Variants in CLPB observed in about 807,000 individuals in gnomAD.
CLPB encodes ClpB family mitochondrial disaggregase, also known as mitochondrial disaggregase.
Under a neutral mutation model 78.4 loss-of-function variants are expected in CLPB, and 40 were observed. The ratio of observed to expected loss-of-function variants is 0.51; its 90% CI spans 0.40 to 0.66. The LOEUF is 0.66. Ranked by LOEUF, CLPB falls within the 30% of genes least tolerant of loss-of-function variation. The pLI is 0.00. For synonymous variants in CLPB, 333 were observed against 348.0 expected (o/e 0.96, Z 0.48); for missense variants, 780 against 886.9 (o/e 0.88, Z 1.53).
chr11:72,407,848 C>T (rs1173001879), intron 2 of CLPB, among the ~76,000 whole-genome samples: 2 of 152,100 alleles, frequency 1.3e-5, no homozygotes. Flanking sequence ...GGGGTTTCAC[C>T]GTATTAGCCA....
intron 3 of CLPB, among the ~76,000 whole-genome samples, chr11:72,395,956 T>TAA (rs1222062935): frequency 4.6e-5 from 7 of 152,220 alleles, no homozygotes. Flanking sequence ...GGAAGGCCTT[T>TAA]AAAACCTCTT....
chr11:72,399,086 T>C (rs1264080521), intron 3 of CLPB, among the ~76,000 whole-genome samples: 2 of 150,366 alleles, frequency 1.3e-5, no homozygotes, highest in African/African-American at 2.4e-5. Flanking sequence ...TAAATATATA[T>C]AATACATAAA....
chr11:72,386,134 T>C (rs1855068586), intron 3 of CLPB, among the ~76,000 whole-genome samples: 1 of 152,194 alleles, frequency 6.6e-6, no homozygotes, highest in East Asian at 1.9e-4. Flanking sequence ...TTTACCAAAA[T>C]AGAGTAGTTT....
chr11:72,354,268 T>A (rs1950665392), intron 5 of CLPB: 3 of 391,080 alleles, frequency 7.7e-6, no homozygotes, highest in Admixed American at 4.5e-5. Context: ...TCCAAAGATG[T>A]GTGTGTGTGT....
At chr11:72,415,922 C>G (rs1856008812) in intron 2 of CLPB, among the ~76,000 whole-genome samples, 1 of 152,118 alleles carries the variant, frequency 6.6e-6, no homozygotes. Flanking sequence ...TTTAAAATGA[C>G]TAGGATGAGG....
At chr11:72,355,812 G>A (rs186429090) in intron 5 of CLPB, among the ~76,000 whole-genome samples, 1 of 152,272 alleles carries the variant, frequency 6.6e-6, no homozygotes. Context: ...GACTTTTCTA[G>A]CTCTAACCCT....
At position 72,286,884 on chromosome 11, in the gene CLPB, A is replaced by C. The variant is rs2135475293; in HGVS notation, c.*6483T>G. The C allele has an allele frequency of 6.6e-6, 1 of 151,854 alleles. No individual in the cohort carries two copies. Among genetic ancestry groups the C allele is most frequent in the East Asian group, 1.9e-4 (1 of 5,164 alleles). The allele number at this position is 151,854 out of a possible 1,614,324, so 9.4% of individuals were successfully genotyped here. A position where few individuals can be genotyped will look rare whatever the true frequency, so the allele number is the denominator to read the frequency against. On this transcript the variant is annotated 3_prime_UTR_variant, in exon 16 of 16. Transcript: ENST00000538039. ...ATTAGAGGTTTACCTTTAACCTCTA[A>C]ATACTTACATTTTCTGAAAACAAGG...
At chr11:72,318,105 A>AT (rs1331987860) in intron 6 of CLPB, among the ~76,000 whole-genome samples, 1 of 152,264 alleles carries the variant, frequency 6.6e-6, no homozygotes, top group Non-Finnish European at 1.5e-5. Flanking sequence ...TTTGGTGAAT[A>AT]TAAGTCTGTC....
chr11:72,295,788 C>T, intron 11 of CLPB, 140 bp from the exon 12 acceptor site: 1 of 785,556 alleles, frequency 1.3e-6, no homozygotes, highest in South Asian at 1.8e-5. Flanking sequence ...GCTGCTTCCT[C>T]CTCTGGGTTC....
intron 3 of CLPB, among the ~76,000 whole-genome samples, chr11:72,400,690 T>C (rs1855535655): frequency 6.6e-6 from 1 of 152,170 alleles, no homozygotes; most frequent in African/African-American, 2.4e-5. Context: ...GTACCAGCGG[T>C]GTAGAATAAC....
At chr11:72,376,821 A>AT (rs1854717495) in intron 4 of CLPB, among the ~76,000 whole-genome samples, 1 of 152,018 alleles carries the variant, frequency 6.6e-6, no homozygotes, top group South Asian at 2.1e-4. Context: ...ACAGGCATGC[A>AT]CCACCACGCC....
At chr11:72,370,781 C>T (rs893366757) in intron 4 of CLPB, among the ~76,000 whole-genome samples, 5 of 152,198 alleles carry the variant, frequency 3.3e-5, no homozygotes, top group African/African-American at 1.2e-4. Context: ...ATATTATCTG[C>T]TACCCTTGCA....
At chr11:72,428,007 C>G (rs932881493) in intron 2 of CLPB, among the ~76,000 whole-genome samples, 8 of 152,144 alleles carry the variant, frequency 5.3e-5, no homozygotes, top group Admixed American at 5.2e-4. Flanking sequence ...TTCCTTCTAG[C>G]AAGGATGGTC....
intron 6 of CLPB, among the ~76,000 whole-genome samples, chr11:72,320,489 GC>G (rs1445477685): frequency 1.3e-5 from 2 of 152,182 alleles, no homozygotes; most frequent in Admixed American, 6.5e-5. Context: ...TCAAACCATG[GC>G]CTAAATTTCA....
chr11:72,320,992 C>A (rs550671698), intron 6 of CLPB, among the ~76,000 whole-genome samples: 3 of 152,250 alleles, frequency 2.0e-5, no homozygotes, highest in Admixed American at 6.5e-5. Flanking sequence ...GGATTACAGG[C>A]GTGAGCCACC....
chr11:72,402,051 G>A (rs981848401), intron 3 of CLPB, among the ~76,000 whole-genome samples: 5 of 151,916 alleles, frequency 3.3e-5, no homozygotes, highest in African/African-American at 9.7e-5. Flanking sequence ...TGGAGGCCAG[G>A]AGTTCAAGAC....
rs112135739 is a variant in CLPB, at chr11:72,359,182, G to A, written c.647-174C>T. 6.6e-5 allele frequency: 57 copies of A among 857,688 alleles called. 1 individual carries two copies. Among genetic ancestry groups the A allele is most frequent in the East Asian group, 4.5e-4 (17 of 38,186 alleles). The allele number at this position is 857,688 out of a possible 1,614,324, so 53.1% of individuals were successfully genotyped here. Reference sequence around the variant, plus strand: ...GCTGGGTAAGAAGAGGCAAAACAGAGGCCAGTTAGTTCCACAATGTTTACT... The same window carrying A: ...GCTGGGTAAGAAGAGGCAAAACAGAAGCCAGTTAGTTCCACAATGTTTACT... On this transcript the variant is annotated intron_variant, in intron 4 of 15. Coordinates refer to ENST00000538039, the MANE Select transcript of CLPB (RefSeq NM_001258392.3).
chr11:72,302,244 C>T (rs1590764783), intron 10 of CLPB, 60 bp downstream of exon 10: 10 of 1,536,226 alleles, frequency 6.5e-6, no homozygotes, highest in East Asian at 2.2e-5. Context: ...GACAAGACCC[C>T]GGCAGTCATG....
intron 4 of CLPB, among the ~76,000 whole-genome samples, chr11:72,375,789 C>T (rs1284538407): frequency 2.0e-5 from 3 of 152,182 alleles, no homozygotes; most frequent in Non-Finnish European, 4.4e-5. Flanking sequence ...GCCTGATACT[C>T]GGTAAGAACA....
Sources: allele counts gnomAD v4.1 joint callset (sites outside exome capture counted in the v4.1 genomes callset), GRCh38; gene constraint gnomAD v4.1.1; transcripts MANE v1.5; gene names NCBI Gene and HGNC (gene_info 2026-07-23, HGNC 2026-07-21).